The following PIK3CB variants were observed in gnomAD, a reference collection of about 807,000 sequenced individuals.
PIK3CB encodes phosphatidylinositol-4,5-bisphosphate 3-kinase catalytic subunit beta, also known as phosphatidylinositol 4,5-bisphosphate 3-kinase catalytic subunit beta isoform.
Under a neutral mutation model 136.8 loss-of-function variants are expected in PIK3CB, and 39 were observed. That is an observed-to-expected ratio of 0.29 (90% CI 0.22 to 0.37). PIK3CB has a LOEUF of 0.37. PIK3CB is among the 10% of genes least tolerant of loss of function. PIK3CB has a pLI of 1.00. For synonymous variants in PIK3CB, 428 were observed against 436.6 expected (o/e 0.98, Z 0.25); for missense variants, 868 against 1,275.4 (o/e 0.68, Z 4.87).
chr3:138,798,736 A>G (rs2046137628), intron 1 of PIK3CB, among the ~76,000 whole-genome samples: 1 of 152,204 alleles, frequency 6.6e-6, no homozygotes, highest in African/African-American at 2.4e-5. Context: ...CAAACACACA[A>G]TAACAGGACC....
chr3:138,742,410 T>A, intron 5 of PIK3CB, 148 bp downstream of exon 5: 1 of 575,350 alleles, frequency 1.7e-6, no homozygotes, highest in Non-Finnish European at 3.1e-6. Context: ...TTATATATAA[T>A]CCTAAATACA....
intron 11 of PIK3CB, among the ~76,000 whole-genome samples, chr3:138,705,200 A>C (rs977200617): frequency 6.9e-6 from 1 of 144,170 alleles, no homozygotes. Context: ...CAAAAAAAAA[A>C]ACTTATATTT....
chr3:138,816,662 T>C (rs1156733465), intron 1 of PIK3CB, among the ~76,000 whole-genome samples: 1 of 151,786 alleles, frequency 6.6e-6, no homozygotes, highest in African/African-American at 2.4e-5. Context: ...AACCACAAGG[T>C]GACAGTTTCA....
chr3:138,679,088 A>C (rs1200392822), intron 19 of PIK3CB, among the ~76,000 whole-genome samples: 7 of 152,102 alleles, frequency 4.6e-5, no homozygotes, highest in Admixed American at 2.6e-4. Context: ...AACAAACAAA[A>C]AAAGAAAAAA....
intron 1 of PIK3CB, among the ~76,000 whole-genome samples, chr3:138,803,024 G>A (rs1379230561): frequency 2.0e-5 from 3 of 152,190 alleles, no homozygotes; most frequent in Non-Finnish European, 4.4e-5. Context: ...AATGCAAGAA[G>A]TAGAATAAAA....
Position 138,826,012 on chromosome 3 carries a change from T to C in PIK3CB, c.-122+8683A>G, listed in dbSNP as rs555552553. On this transcript the variant is annotated intron_variant, in intron 1 of 23. Transcript: ENST00000674063. ...ATTCAGGCCAAATCAGTGCTGGCTA[T>C]GCCACTGTACTGGATTGTCACACAG... is the stretch of plus-strand genomic sequence containing the variant. 1.2e-5 allele frequency: 18 copies of C among 1,457,568 alleles called. No individual in the cohort carries two copies. In the African/African-American group the frequency reaches 2.2e-4, roughly 18 times the overall value. 90.3% of individuals were successfully genotyped at this position (1,457,568 alleles called of 1,614,324 possible).
rs180932226 is a variant in PIK3CB at position 138,732,183 on chromosome 3, C to T, written c.1050+1178G>A. Among the ~76,000 whole-genome samples the T allele has an allele frequency of 3.3e-5, 5 of 152,136 alleles. No individual in the cohort carries two copies. The East Asian group carries it at 5.8e-4, about 18-fold the overall frequency. ...ACACACACTTTTCTTTTCTGAGGAG[C>T]GGTAAGAGTACCTAAAATCTACTTT... On this transcript the variant is annotated intron_variant, in intron 8 of 23. Coordinates refer to ENST00000674063, the MANE Select transcript of PIK3CB (RefSeq NM_006219.3).
At chr3:138,680,438 T>A (rs944307161) in intron 19 of PIK3CB, among the ~76,000 whole-genome samples, 14 of 151,546 alleles carry the variant, frequency 9.2e-5, no homozygotes, top group African/African-American at 3.4e-4. Context: ...TATAAAAAAA[T>A]ATGTGGTAAT....
chr3:138,757,476 TAAAC>T (rs2045590828), intron 3 of PIK3CB, among the ~76,000 whole-genome samples: 1 of 92,036 alleles, frequency 1.1e-5, no homozygotes, highest in South Asian at 3.5e-4. Context: ...TGGATACTAT[TAAAC>T]ACACACACAC....
rs76242745 is a variant in PIK3CB, at chr3:138,827,308, G to C, written c.-122+7387C>G. ...GTCATTAATTGCTTAATGTCTAAAG[G>C]CTTGGTCTTTTCAGGGGTAGAGCAC... On this transcript the variant is annotated intron_variant, in intron 1 of 23. Transcript: ENST00000674063. 8.6e-3 allele frequency among the ~76,000 whole-genome samples: 1,302 copies of C among 152,186 alleles called. 26 individuals are homozygous for C. Among genetic ancestry groups the C allele is most frequent in the African/African-American group, 0.028 (1,180 of 41,522 alleles).
chr3:138,702,911 C>T (rs1274497270), intron 12 of PIK3CB, among the ~76,000 whole-genome samples: 1 of 152,132 alleles, frequency 6.6e-6, no homozygotes, highest in Non-Finnish European at 1.5e-5. Flanking sequence ...CAGTCAAACA[C>T]AAGGATCCTA....
At chr3:138,787,191 G>A (rs1311622136) in intron 2 of PIK3CB, among the ~76,000 whole-genome samples, 1 of 152,080 alleles carries the variant, frequency 6.6e-6, no homozygotes, top group Non-Finnish European at 1.5e-5. Context: ...TTTACTCATA[G>A]TGTTCACATA....
chr3:138,749,446 A>G (rs1390039702), intron 4 of PIK3CB, among the ~76,000 whole-genome samples: 1 of 152,084 alleles, frequency 6.6e-6, no homozygotes, highest in Non-Finnish European at 1.5e-5. Flanking sequence ...AACCTAAATA[A>G]TCTTTCTAAA....
intron 1 of PIK3CB, among the ~76,000 whole-genome samples, chr3:138,823,014 G>A (rs1380409212): frequency 6.7e-6 from 1 of 149,810 alleles, no homozygotes; most frequent in Non-Finnish European, 1.5e-5. Flanking sequence ...TCCGCCTCCT[G>A]GGTTCAAGCC....
At chr3:138,806,639 C>T (rs2046237546) in intron 1 of PIK3CB, among the ~76,000 whole-genome samples, 1 of 152,162 alleles carries the variant, frequency 6.6e-6, no homozygotes, top group African/African-American at 2.4e-5. Flanking sequence ...CCTGCTTATT[C>T]AGGACTGCTC....
intron 19 of PIK3CB, among the ~76,000 whole-genome samples, chr3:138,667,207 CAAAAAAA>C (rs149370978): frequency 1.4e-5 from 1 of 72,678 alleles, no homozygotes; most frequent in Admixed American, 1.7e-4. Context: ...GACTCTGTCT[CAAAAAAA>C]AAAAAAAAAA....
intron 1 of PIK3CB, among the ~76,000 whole-genome samples, chr3:138,815,430 GA>G (rs35766049): frequency 0.011 from 1,275 of 116,304 alleles, 19 homozygotes; most frequent in African/African-American, 0.044. Flanking sequence ...TGTTACAAAA[GA>G]AAAAAAAAAA....
intron 2 of PIK3CB, among the ~76,000 whole-genome samples, chr3:138,771,508 C>G (rs11709768): frequency 6.6e-6 from 1 of 151,970 alleles, no homozygotes; most frequent in Non-Finnish European, 1.5e-5. Context: ...GTAAGCCACC[C>G]GCGCCCGGCC....
At chr3:138,746,685 AAAATAAAAAT>A (rs1328700695) in intron 4 of PIK3CB, among the ~76,000 whole-genome samples, 1 of 151,900 alleles carries the variant, frequency 6.6e-6, no homozygotes, top group Non-Finnish European at 1.5e-5. Context: ...TAATTAATTA[AAAATAAAAAT>A]AAATAAAAAT....
Sources: allele counts gnomAD v4.1 joint callset (sites outside exome capture counted in the v4.1 genomes callset), GRCh38; gene constraint gnomAD v4.1.1; transcripts MANE v1.5; gene names NCBI Gene and HGNC (gene_info 2026-07-23, HGNC 2026-07-21).